Variants in STRN observed in about 807,000 individuals in gnomAD.
The protein encoded by STRN is striatin, also known as protein phosphatase 2 regulatory subunit B'''alpha.
STRN carries 53 observed loss-of-function variants against 96.3 expected under a neutral mutation model. The ratio of observed to expected loss-of-function variants is 0.55; its 90% CI spans 0.44 to 0.69. The LOEUF is 0.69. STRN is among the 30% of genes least tolerant of loss of function. The probability of loss-of-function intolerance (pLI) is 0.00; values close to 1 mark genes in which losing one functional copy is unlikely to be tolerated. For synonymous variants in STRN, 428 were observed against 355.9 expected (o/e 1.20, Z -2.28); for missense variants, 987 against 963.9 (o/e 1.02, Z -0.32).
chr2:36,947,138 T>C (rs1033832684), intron 1 of STRN, among the ~76,000 whole-genome samples: 13 of 152,148 alleles, frequency 8.5e-5, no homozygotes, highest in Admixed American at 2.6e-4. Context: ...ATTCATGATC[T>C]GCCTGCCTCG....
At chr2:36,861,553 A>T (rs1668479744) in intron 12 of STRN, among the ~76,000 whole-genome samples, 1 of 152,214 alleles carries the variant, frequency 6.6e-6, no homozygotes, top group East Asian at 1.9e-4. Flanking sequence ...AAACAAGAAT[A>T]TGCAACAGAA....
intron 3 of STRN, among the ~76,000 whole-genome samples, chr2:36,915,640 G>A (rs1046101328): frequency 2.0e-5 from 3 of 152,140 alleles, no homozygotes; most frequent in Non-Finnish European, 4.4e-5. Context: ...ACCTGAAACC[G>A]AAGAATTATG....
Position 36,839,527 on chromosome 2 carries a change from G to C in STRN, c.*9929C>G, listed in dbSNP as rs1004561853. Reference sequence around the variant, plus strand: ...CAGAGAGTGAACAAGTCATTTGCTGGATGCTTATTTTATTAGGTGTTTTAC... The same window carrying C: ...CAGAGAGTGAACAAGTCATTTGCTGCATGCTTATTTTATTAGGTGTTTTAC... On this transcript the variant is annotated 3_prime_UTR_variant, in exon 18 of 18. Coordinates refer to ENST00000263918, the MANE Select transcript of STRN (RefSeq NM_003162.4). 6.6e-6 allele frequency among the ~76,000 whole-genome samples: 1 copy of C among 152,126 alleles called. No individual in the cohort carries two copies.
chr2:36,944,962 G>C (rs185106471), intron 1 of STRN, among the ~76,000 whole-genome samples: 53 of 152,288 alleles, frequency 3.5e-4, no homozygotes, highest in African/African-American at 1.2e-3. Flanking sequence ...ACGTAGACCA[G>C]AGCAGTCATT....
chr2:36,927,531 G>C (rs1558656562), intron 1 of STRN, among the ~76,000 whole-genome samples: 1 of 145,468 alleles, frequency 6.9e-6, no homozygotes, highest in Non-Finnish European at 1.5e-5. Flanking sequence ...AAAAGGGGGG[G>C]GGGGGTGGTA....
In STRN at chr2:36,893,879, A is replaced by T; in HGVS notation, c.931+19T>A. ...TTATTTACTTAACATCTCTGGTTGG[A>T]TCCAGTATGCTTCCTTACCCCAGTC... On this transcript the variant is annotated intron_variant, in intron 7 of 17. Transcript: ENST00000263918. 6.3e-7 allele frequency: 1 copy of T among 1,588,042 alleles called. No homozygotes were observed. Among genetic ancestry groups the T allele is most frequent in the Non-Finnish European group, 8.5e-7 (1 of 1,173,008 alleles).
At chr2:36,934,876 A>G (rs1670663685) in intron 1 of STRN, among the ~76,000 whole-genome samples, 1 of 152,192 alleles carries the variant, frequency 6.6e-6, no homozygotes, top group Non-Finnish European at 1.5e-5. Flanking sequence ...CAGGAGTTTG[A>G]GTCCAGCCAT....
In STRN at chr2:36,862,969, C is replaced by T. The variant is rs912304766; in HGVS notation, c.1548-1716G>A. Among the ~76,000 whole-genome samples the T allele has an allele frequency of 7.9e-5, 12 of 152,250 alleles. No homozygotes were observed. The South Asian group carries it at 1.0e-3, about 13-fold the overall frequency. On this transcript the variant is annotated intron_variant, in intron 12 of 17. Transcript: ENST00000263918. ...TGATCTCCTGACCTCATGATCCGCC[C>T]GCCTCGGCCTCCCAAAGTGCTGGGA...
chr2:36,880,937 G>C (rs1377317927), intron 9 of STRN, among the ~76,000 whole-genome samples: 1 of 152,080 alleles, frequency 6.6e-6, no homozygotes, highest in Non-Finnish European at 1.5e-5. Context: ...GGACACTCCA[G>C]GACTGATGAG....
intron 7 of STRN, among the ~76,000 whole-genome samples, chr2:36,889,936 T>C (rs977120883): frequency 5.3e-5 from 8 of 152,166 alleles, no homozygotes; most frequent in Admixed American, 2.0e-4. Flanking sequence ...TGTACACACA[T>C]GTATCATATA....
intron 7 of STRN, among the ~76,000 whole-genome samples, chr2:36,888,462 T>C (rs1409891002): frequency 6.6e-6 from 1 of 152,166 alleles, no homozygotes; most frequent in African/African-American, 2.4e-5. Context: ...CTGGCTCCCT[T>C]AAATTTCTCA....
intron 9 of STRN, among the ~76,000 whole-genome samples, chr2:36,878,953 A>G (rs1413102337): frequency 6.6e-6 from 1 of 151,698 alleles, no homozygotes; most frequent in African/African-American, 2.4e-5. Context: ...GGGTTTCACC[A>G]TGTTGGCCAG....
chr2:36,865,447 G>GT (rs988754045), intron 12 of STRN, among the ~76,000 whole-genome samples: 15 of 151,346 alleles, frequency 9.9e-5, no homozygotes, highest in South Asian at 4.2e-4. Flanking sequence ...TATTTTATAC[G>GT]TTTTTTTTGT....
At chr2:36,915,820 C>A (rs1159181347) in intron 3 of STRN, among the ~76,000 whole-genome samples, 1 of 152,078 alleles carries the variant, frequency 6.6e-6, no homozygotes, top group African/African-American at 2.4e-5. Flanking sequence ...TGCATGTTAC[C>A]CCATGAACTC....
chr2:36,945,237 A>C (rs1254087986), intron 1 of STRN, among the ~76,000 whole-genome samples: 1 of 152,234 alleles, frequency 6.6e-6, no homozygotes, highest in Admixed American at 6.5e-5. Flanking sequence ...TATGAGAGGA[A>C]TAGAGATAAA....
intron 1 of STRN, among the ~76,000 whole-genome samples, chr2:36,953,981 T>C (rs1167280752): frequency 6.6e-6 from 1 of 152,080 alleles, no homozygotes; most frequent in African/African-American, 2.4e-5. Context: ...CACTCCAGCC[T>C]GGGCAGAATA....
intron 7 of STRN, among the ~76,000 whole-genome samples, chr2:36,887,612 T>G (rs1669275344): frequency 6.6e-6 from 1 of 152,190 alleles, no homozygotes; most frequent in Admixed American, 6.5e-5. Flanking sequence ...AATGATCTTT[T>G]AAAGAAGTTT....
intron 8 of STRN, among the ~76,000 whole-genome samples, chr2:36,885,063 A>C (rs950162227): frequency 1.3e-5 from 2 of 152,136 alleles, no homozygotes; most frequent in African/African-American, 4.8e-5. Flanking sequence ...ACTAAAAAAA[A>C]ACCATGTGCT....
intron 12 of STRN, among the ~76,000 whole-genome samples, chr2:36,863,523 G>C (rs1160923575): frequency 6.6e-6 from 1 of 152,214 alleles, no homozygotes; most frequent in African/African-American, 2.4e-5. Flanking sequence ...CTGTTTCATT[G>C]GTCTATGCTT....
Sources: gnomAD v4.1 joint callset for allele counts (sites outside exome capture counted in the v4.1 genomes callset) on GRCh38, gnomAD v4.1.1 for gene constraint, MANE v1.5 for transcripts, NCBI Gene and HGNC (gene_info 2026-07-23, HGNC 2026-07-21) for gene names.